The following GLIS3 variants were observed in gnomAD, a reference collection of about 807,000 sequenced individuals.
The protein encoded by GLIS3 is zinc finger protein GLIS3.
Under a neutral mutation model 78.6 loss-of-function variants are expected in GLIS3, and 53 were observed. The observed-to-expected ratio is 0.67, with a 90% CI of 0.54 to 0.85. The LOEUF is 0.85. Among genes scored for constraint, GLIS3 ranks in the 40% least tolerant of loss-of-function variants. The pLI, the probability that GLIS3 is intolerant of heterozygous loss-of-function variation, is 0.00. For missense variants in GLIS3, 1,703 were observed against 1,231.1 expected (o/e 1.38, Z -5.74); for synonymous variants, 684 against 509.9 (o/e 1.34, Z -4.60).
At chr9:4,364,040 TAG>T in the GLIS3 span, among the ~76,000 whole-genome samples, 1 of 152,202 alleles carries the variant, frequency 6.6e-6, no homozygotes, top group African/African-American at 2.4e-5. Context: ...ATAATCCCTA[TAG>T]AGACTTATCT....
At chr9:3,923,583 G>GTTT (rs33990978) in intron 6 of GLIS3, among the ~76,000 whole-genome samples, 43 of 150,258 alleles carry the variant, frequency 2.9e-4, no homozygotes, top group South Asian at 1.9e-3. Context: ...TCAGAAAGGT[G>GTTT]TTTTTTTTTT....
intron 4 of GLIS3, among the ~76,000 whole-genome samples, chr9:3,996,242 T>G (rs1820737138): frequency 6.6e-6 from 1 of 152,094 alleles, no homozygotes; most frequent in African/African-American, 2.4e-5. Context: ...TAAAGGAACT[T>G]CTAAAAGATG....
At chr9:4,464,156 G>C in the GLIS3 span, among the ~76,000 whole-genome samples, 1 of 151,902 alleles carries the variant, frequency 6.6e-6, no homozygotes, top group Non-Finnish European at 1.5e-5. Context: ...ATATTAAGGA[G>C]AACAGCTCAG....
intron 4 of GLIS3, among the ~76,000 whole-genome samples, chr9:4,050,968 T>A (rs1019906123): frequency 6.6e-6 from 1 of 152,058 alleles, no homozygotes; most frequent in African/African-American, 2.4e-5. Flanking sequence ...AAGATTTATT[T>A]TTCCTCCTGT....
chr9:4,051,847 C>T (rs750838624), intron 4 of GLIS3, among the ~76,000 whole-genome samples: 1 of 152,222 alleles, frequency 6.6e-6, no homozygotes, highest in East Asian at 1.9e-4. Flanking sequence ...CAAAGGTGGG[C>T]TTTTTGCCAT....
At chr9:4,060,190 C>T (rs1234748887) in intron 4 of GLIS3, among the ~76,000 whole-genome samples, 1 of 152,126 alleles carries the variant, frequency 6.6e-6, no homozygotes, top group Non-Finnish European at 1.5e-5. Flanking sequence ...CAGTGGAATT[C>T]CCATATCTCA....
At chr9:4,475,733 A>C in the GLIS3 span, among the ~76,000 whole-genome samples, 2 of 152,224 alleles carry the variant, frequency 1.3e-5, no homozygotes, top group Non-Finnish European at 2.9e-5. Context: ...TTTGTGTACA[A>C]GGGAGGGGAA....
At chr9:4,060,800 G>A (rs2130558754) in intron 4 of GLIS3, among the ~76,000 whole-genome samples, 1 of 152,244 alleles carries the variant, frequency 6.6e-6, no homozygotes, top group Middle Eastern at 3.4e-3. Context: ...ATAAGCAACA[G>A]AAAAATGGAC....
At chr9:4,005,620 A>T (rs961968146) in intron 4 of GLIS3, among the ~76,000 whole-genome samples, 3 of 152,200 alleles carry the variant, frequency 2.0e-5, no homozygotes, top group Admixed American at 6.5e-5. Flanking sequence ...GACCAAATTA[A>T]TTGTACGTGT....
intron 2 of GLIS3, among the ~76,000 whole-genome samples, chr9:4,340,635 T>C (rs144345385): frequency 6.6e-6 from 1 of 152,284 alleles, no homozygotes; most frequent in East Asian, 1.9e-4. Flanking sequence ...TTAACCACCA[T>C]GGACACTTGA....
rs74917463 is a variant in GLIS3 at position 3,833,530 on chromosome 9, G to A, written c.2474-4038C>T. 6.3e-4 allele frequency among the ~76,000 whole-genome samples: 94 copies of A among 149,870 alleles called. No individual in the cohort carries two copies. In the East Asian group the frequency reaches 0.017, roughly 27 times the overall value. ...CAAGATGTTAACACATTTTGTGGGC[G>A]TAAAACCTGAGAGTGGTGGCAAGGT... On this transcript the variant is annotated intron_variant, in intron 9 of 10. Coordinates refer to ENST00000381971, the MANE Select transcript of GLIS3 (RefSeq NM_001042413.2).
the GLIS3 span, among the ~76,000 whole-genome samples, chr9:4,408,656 G>A: frequency 4.9e-5 from 7 of 143,652 alleles, no homozygotes; most frequent in Non-Finnish European, 1.1e-4. Context: ...GAACCCGGGA[G>A]GCGGAGCTTG....
At chr9:4,154,082 A>G (rs972692734) in intron 2 of GLIS3, among the ~76,000 whole-genome samples, 1 of 152,246 alleles carries the variant, frequency 6.6e-6, no homozygotes, top group Non-Finnish European at 1.5e-5. Context: ...GCCTCTGCAC[A>G]TGACTTGAGC....
intron 2 of GLIS3, among the ~76,000 whole-genome samples, chr9:4,319,024 C>T (rs968066405): frequency 2.0e-5 from 3 of 152,096 alleles, no homozygotes; most frequent in African/African-American, 7.2e-5. Context: ...ATTGGAGGGG[C>T]ATTCTGTAAA....
intron 2 of GLIS3, among the ~76,000 whole-genome samples, chr9:4,218,427 C>T (rs543136508): frequency 1.8e-4 from 27 of 152,256 alleles, no homozygotes; most frequent in African/African-American, 4.8e-4. Flanking sequence ...TACAGGCACC[C>T]GCCACCACAC....
At chr9:4,101,667 T>G (rs746801320) in intron 4 of GLIS3, among the ~76,000 whole-genome samples, 13 of 152,224 alleles carry the variant, frequency 8.5e-5, no homozygotes, top group Non-Finnish European at 1.5e-4. Flanking sequence ...CTGTTTGTTT[T>G]TAAACTGTTT....
chr9:4,240,308 G>C (rs1273332284), intron 2 of GLIS3, among the ~76,000 whole-genome samples: 3 of 152,122 alleles, frequency 2.0e-5, no homozygotes, highest in Admixed American at 2.0e-4. Flanking sequence ...GTTCACAATA[G>C]GGTTTGCGCT....
chr9:4,162,127 C>A (rs568738255), intron 2 of GLIS3, among the ~76,000 whole-genome samples: 3 of 152,234 alleles, frequency 2.0e-5, no homozygotes, highest in South Asian at 4.2e-4. Context: ...GATATGTGAT[C>A]TCCCATCACC....
the GLIS3 span, among the ~76,000 whole-genome samples, chr9:4,407,665 A>T: frequency 6.6e-6 from 1 of 152,306 alleles, no homozygotes; most frequent in Non-Finnish European, 1.5e-5. Context: ...AGGAAAAAGA[A>T]AAAAAGAAAA....
Sources: gnomAD v4.1 joint callset for allele counts (sites outside exome capture counted in the v4.1 genomes callset) on GRCh38, gnomAD v4.1.1 for gene constraint, MANE v1.5 for transcripts, NCBI Gene and HGNC (gene_info 2026-07-23, HGNC 2026-07-21) for gene names.